The following ME1 variants were observed in gnomAD, a reference collection of about 807,000 sequenced individuals.
ME1 encodes the protein malic enzyme 1.
Under a neutral mutation model 66.4 loss-of-function variants are expected in ME1, and 74 were observed. The observed-to-expected ratio is 1.11, with a 90% CI of 0.92 to 1.35. The LOEUF (loss-of-function observed/expected upper bound fraction) is 1.35. Among genes scored for constraint, ME1 ranks in the 40% most tolerant of loss-of-function variants. ME1 has a pLI of 0.00. For missense variants in ME1, 750 were observed against 694.1 expected, an observed-to-expected ratio of 1.08 and a Z score of -0.90; for synonymous variants, 251 against 235.6, an observed-to-expected ratio of 1.07 and a Z score of -0.60.
intron 6 of ME1, among the ~76,000 whole-genome samples, chr6:83,299,999 T>G (rs1398231920): frequency 6.6e-6 from 1 of 152,168 alleles, no homozygotes; most frequent in African/African-American, 2.4e-5. Context: ...TGGATTCGGT[T>G]TGCCAATATT....
At chr6:83,296,862 C>T (rs1278264700) in intron 6 of ME1, among the ~76,000 whole-genome samples, 1 of 151,768 alleles carries the variant, frequency 6.6e-6, no homozygotes, top group African/African-American at 2.4e-5. Flanking sequence ...CTGTATTAAA[C>T]ATCTTTAGGG....
chr6:83,380,715 T>C (rs1769380206), intron 3 of ME1, among the ~76,000 whole-genome samples: 1 of 152,054 alleles, frequency 6.6e-6, no homozygotes, highest in Admixed American at 6.6e-5. Context: ...GTGGAAGTAG[T>C]TGTTTGCCAT....
intron 3 of ME1, among the ~76,000 whole-genome samples, chr6:83,381,554 C>T (rs1250354273): frequency 6.6e-6 from 1 of 152,056 alleles, no homozygotes; most frequent in African/African-American, 2.4e-5. Flanking sequence ...TACCTACATG[C>T]TGTGTGTCCA....
intron 6 of ME1, among the ~76,000 whole-genome samples, chr6:83,290,301 G>C (rs1391772626): frequency 6.6e-6 from 1 of 152,178 alleles, no homozygotes; most frequent in Admixed American, 6.5e-5. Context: ...TGCTTTAAAT[G>C]TGTCCCAGAG....
intron 2 of ME1, 149 bp downstream of exon 2, chr6:83,407,619 T>A (rs1286097735): frequency 7.6e-6 from 6 of 792,758 alleles, no homozygotes; most frequent in Non-Finnish European, 1.1e-5. Context: ...GTAAATTTTT[T>A]AAAAACATCA....
At chr6:83,369,114 AT>A (rs1769149216) in intron 3 of ME1, among the ~76,000 whole-genome samples, 1 of 151,984 alleles carries the variant, frequency 6.6e-6, no homozygotes, top group Non-Finnish European at 1.5e-5. Context: ...TTCTCCTGTA[AT>A]TTTTTCCCAC....
intron 4 of ME1, among the ~76,000 whole-genome samples, chr6:83,351,600 T>C (rs7758989): frequency 0.32 from 48,737 of 152,058 alleles, 8,190 homozygotes; most frequent in Middle Eastern, 0.5. Flanking sequence ...TCATTCAGAA[T>C]GCTACCAAAT....
intron 1 of ME1, among the ~76,000 whole-genome samples, chr6:83,410,176 T>G (rs1770023577): frequency 6.6e-6 from 1 of 152,168 alleles, no homozygotes; most frequent in African/African-American, 2.4e-5. Flanking sequence ...CTTACAACAG[T>G]GCCTGACATA....
intron 12 of ME1, among the ~76,000 whole-genome samples, chr6:83,221,474 G>A (rs1790090715): frequency 6.6e-6 from 1 of 152,178 alleles, no homozygotes. Flanking sequence ...GAAGGCTATG[G>A]GATGAGGGAG....
chr6:83,374,765 T>C (rs1478215678), intron 3 of ME1, among the ~76,000 whole-genome samples: 1 of 152,172 alleles, frequency 6.6e-6, no homozygotes, highest in Non-Finnish European at 1.5e-5. Flanking sequence ...CTTGAGATAA[T>C]TTTTGTGTAA....
At chr6:83,246,336 A>G (rs930056080) in intron 7 of ME1, among the ~76,000 whole-genome samples, 1 of 152,164 alleles carries the variant, frequency 6.6e-6, no homozygotes, top group African/African-American at 2.4e-5. Flanking sequence ...GTTAAAATCC[A>G]GATAAAGACA....
chr6:83,362,383 AG>A (rs901847685), intron 3 of ME1, among the ~76,000 whole-genome samples: 132 of 152,356 alleles, frequency 8.7e-4, no homozygotes, highest in African/African-American at 3.1e-3. Flanking sequence ...TCAGCAGAAG[AG>A]GATTTTAATA....
chr6:83,357,935 C>CTCTCTCTCTCTCTCTCTATA (rs1447805761), intron 3 of ME1, among the ~76,000 whole-genome samples: 2 of 30,040 alleles, frequency 6.7e-5, no homozygotes, highest in African/African-American at 1.2e-4. Flanking sequence ...CTCTCTCTCT[C>CTCTCTCTCTCTCTCTCTATA]TATATATATA....
intron 6 of ME1, among the ~76,000 whole-genome samples, chr6:83,310,541 G>T (rs942810564): frequency 6.6e-6 from 1 of 152,132 alleles, no homozygotes. Flanking sequence ...TGGGGCTTTG[G>T]CACTGGTTAA....
chr6:83,248,506 G>A (rs1790662601), intron 7 of ME1, among the ~76,000 whole-genome samples: 1 of 152,090 alleles, frequency 6.6e-6, no homozygotes, highest in Admixed American at 6.6e-5. Flanking sequence ...TTAGCTCTGT[G>A]TCCCCACCCA....
intron 12 of ME1, among the ~76,000 whole-genome samples, chr6:83,221,272 A>C (rs1301794727): frequency 6.6e-6 from 1 of 152,254 alleles, no homozygotes; most frequent in East Asian, 1.9e-4. Context: ...CAAAGTGTGT[A>C]ATAAAGACAG....
intron 6 of ME1, among the ~76,000 whole-genome samples, chr6:83,298,749 G>T (rs548805731): frequency 9.5e-4 from 145 of 151,900 alleles, no homozygotes; most frequent in Non-Finnish European, 1.8e-3. Flanking sequence ...TGTATAATGT[G>T]TAAGGAAGGG....
At chr6:83,238,829 A>T (rs1177104815) in intron 8 of ME1, among the ~76,000 whole-genome samples, 1 of 110,232 alleles carries the variant, frequency 9.1e-6, no homozygotes, top group African/African-American at 3.1e-5. Flanking sequence ...TAGCCACAAA[A>T]TATTTCTCTA....
chr6:83,374,411 G>A (rs1011304269), intron 3 of ME1, among the ~76,000 whole-genome samples: 1 of 152,168 alleles, frequency 6.6e-6, no homozygotes, highest in African/African-American at 2.4e-5. Flanking sequence ...TTTGAGAAGT[G>A]TCTGTTCACG....
Sources: allele counts gnomAD v4.1 joint callset (sites outside exome capture counted in the v4.1 genomes callset), GRCh38; gene constraint gnomAD v4.1.1; transcripts MANE v1.5; gene names NCBI Gene and HGNC (gene_info 2026-07-23, HGNC 2026-07-21).